ALOX5AP: variants seen among roughly 807,000 people sequenced by gnomAD.
The protein encoded by ALOX5AP is arachidonate 5-lipoxygenase-activating protein.
A neutral mutation model predicts 18.5 loss-of-function variants in ALOX5AP; 9 were observed. That is an observed-to-expected ratio of 0.49 (90% CI 0.29 to 0.85). The LOEUF is 0.85. Among genes scored for constraint, ALOX5AP ranks in the 40% least tolerant of loss-of-function variants. The pLI is 0.08. For synonymous variants in ALOX5AP, 81 were observed against 78.6 expected, an observed-to-expected ratio of 1.03 and a Z score of -0.16; for missense variants, 172 against 202.5, an observed-to-expected ratio of 0.85 and a Z score of 0.91.
At chr13:30,761,351 C>A (rs895879826) in intron 4 of ALOX5AP, among the ~76,000 whole-genome samples, 1 of 152,240 alleles carries the variant, frequency 6.6e-6, no homozygotes, top group Non-Finnish European at 1.5e-5. Flanking sequence ...TTTTTCACTT[C>A]GGTTTTATCT....
In ALOX5AP at chr13:30,744,096, C is replaced by T; in HGVS notation, c.107C>T (p.Thr36Ile). Residue 36 changes from threonine (T) to isoleucine (I), a missense_variant, in exon 2 of 5, where the codon ACC becomes ATC. By Grantham distance (89) the Thr-to-Ile change is moderately conservative. Coordinates refer to ENST00000380490, the MANE Select transcript of ALOX5AP (RefSeq NM_001629.4). ...FAHKVEHESRTQNGRSFQRTG... is the reference protein window; with the variant it reads ...FAHKVEHESRIQNGRSFQRTG... Reference sequence around the variant, plus strand: ...CATAAAGTGGAGCACGAAAGCAGGACCCAGAATGGGAGGAGCTTCCAGAGG... The same window carrying T: ...CATAAAGTGGAGCACGAAAGCAGGATCCAGAATGGGAGGAGCTTCCAGAGG... The T allele has an allele frequency of 6.2e-7, 1 of 1,614,138 alleles. No homozygotes were observed. The highest frequency in any genetic ancestry group is 8.5e-7 in the Non-Finnish European group (1 of 1,180,002).
intron 1 of ALOX5AP, 82 bp downstream of exon 1, chr13:30,735,757 G>C: frequency 6.7e-7 from 1 of 1,486,980 alleles, no homozygotes; most frequent in Non-Finnish European, 9.3e-7. Context: ...TTAAACAATT[G>C]TGTCTGTGTG....
intron 2 of ALOX5AP, 144 bp downstream of exon 2, chr13:30,744,303 C>T: frequency 1.5e-6 from 1 of 676,004 alleles, no homozygotes. Flanking sequence ...TGGACTTCAC[C>T]AGAGAGGCTT....
Position 30,751,342 on chromosome 13 carries a change from C to G in ALOX5AP, c.171-710C>G, listed in dbSNP as rs140061764. On this transcript the variant is annotated intron_variant, in intron 2 of 4. Coordinates refer to ENST00000380490, the MANE Select transcript of ALOX5AP (RefSeq NM_001629.4). ...CTCCCAAATTGCTGGGATTACAAGG[C>G]GTGTTGTTTTAAGCCACTCAGTTTG... is the stretch of plus-strand genomic sequence containing the variant. 4.8e-3 allele frequency among the ~76,000 whole-genome samples: 724 copies of G among 152,230 alleles called. 6 individuals carry two copies. The highest frequency in any genetic ancestry group is 0.016 in the African/African-American group (675 of 41,544).
chr13:30,728,253 A>G (rs536668176), intron 1 of ALOX5AP, among the ~76,000 whole-genome samples: 1 of 152,344 alleles, frequency 6.6e-6, no homozygotes, highest in Non-Finnish European at 1.5e-5. Flanking sequence ...GTGATTTTAC[A>G]GGGAGCATAG....
chr13:30,755,197 C>T (rs4769057), intron 3 of ALOX5AP, among the ~76,000 whole-genome samples: 52,996 of 140,408 alleles, frequency 0.38, 10,395 homozygotes, highest in Non-Finnish European at 0.42. Context: ...AAGGCTAGAA[C>T]GCAGAGGGAA....
At chr13:30,725,251 G>A (rs1951630487) in intron 1 of ALOX5AP, among the ~76,000 whole-genome samples, 1 of 152,224 alleles carries the variant, frequency 6.6e-6, no homozygotes, top group South Asian at 2.1e-4. Context: ...AGGAGTCCTG[G>A]GGAAGAGGCA....
chr13:30,713,519 T>C (rs1951525548), exon 1 of ALOX5AP: 2 of 554,104 alleles, frequency 3.6e-6, no homozygotes, highest in South Asian at 4.6e-5. Context: ...GTCACAGCTC[T>C]GGCAAAGATG....
chr13:30,713,912 G>C, intron 1 of ALOX5AP: 2 of 1,481,874 alleles, frequency 1.3e-6, no homozygotes, highest in Non-Finnish European at 1.8e-6. Context: ...AATTTGACCT[G>C]GGCCCAGGGC....
chr13:30,723,769 T>G (rs1286288076), intron 1 of ALOX5AP, among the ~76,000 whole-genome samples: 1 of 152,200 alleles, frequency 6.6e-6, no homozygotes, highest in Non-Finnish European at 1.5e-5. Flanking sequence ...ATTTTTAATT[T>G]TTTAAATTTT....
chr13:30,763,580 C>T (rs2137836325), intron 4 of ALOX5AP, among the ~76,000 whole-genome samples: 1 of 152,278 alleles, frequency 6.6e-6, no homozygotes, highest in East Asian at 1.9e-4. Context: ...CAGAGAGGGT[C>T]TTAATGGTCC....
At chr13:30,735,952 G>A (rs1367746623) in intron 1 of ALOX5AP, among the ~76,000 whole-genome samples, 1 of 152,268 alleles carries the variant, frequency 6.6e-6, no homozygotes, top group Admixed American at 6.5e-5. Flanking sequence ...AACCCTCACC[G>A]AAGTGTCTAT....
chr13:30,744,227 T>C, intron 2 of ALOX5AP, 68 bp downstream of exon 2: 1 of 1,381,224 alleles, frequency 7.2e-7, no homozygotes, highest in South Asian at 1.2e-5. Context: ...CTAGGAGTGA[T>C]GACCACCCTT....
At chr13:30,759,709 C>T (rs187342443) in intron 4 of ALOX5AP, among the ~76,000 whole-genome samples, 10 of 152,330 alleles carry the variant, frequency 6.6e-5, no homozygotes, top group Admixed American at 2.0e-4. Flanking sequence ...TATGGTGTTA[C>T]TTCACCAGAG....
chr13:30,716,258 C>T (rs754133507), intron 1 of ALOX5AP, among the ~76,000 whole-genome samples: 5 of 152,206 alleles, frequency 3.3e-5, no homozygotes, highest in African/African-American at 1.2e-4. Flanking sequence ...GCCAACACTG[C>T]AACAACAGGG....
chr13:30,752,553 C>T (rs1951860968), intron 3 of ALOX5AP, among the ~76,000 whole-genome samples: 1 of 152,210 alleles, frequency 6.6e-6, no homozygotes, highest in Admixed American at 6.5e-5. Context: ...GGCTGGATGC[C>T]ACATCCCCGG....
intron 4 of ALOX5AP, among the ~76,000 whole-genome samples, chr13:30,756,547 G>A (rs1199742987): frequency 3.3e-5 from 5 of 152,150 alleles, no homozygotes; most frequent in Admixed American, 1.3e-4. Context: ...AGCGGCTCAC[G>A]CCTATAATCC....
chr13:30,743,346 C>T (rs1951782857), intron 1 of ALOX5AP, among the ~76,000 whole-genome samples: 1 of 152,108 alleles, frequency 6.6e-6, no homozygotes, highest in South Asian at 2.1e-4. Flanking sequence ...CTCTGCTGTC[C>T]TCACCAGAGC....
At chr13:30,743,075 C>T (rs1054099300) in intron 1 of ALOX5AP, among the ~76,000 whole-genome samples, 1 of 152,002 alleles carries the variant, frequency 6.6e-6, no homozygotes, top group Non-Finnish European at 1.5e-5. Flanking sequence ...TTCCTTGTTG[C>T]TCTCAGACGG....
Sources: allele counts gnomAD v4.1 joint callset (sites outside exome capture counted in the v4.1 genomes callset), GRCh38; gene constraint gnomAD v4.1.1; transcripts MANE v1.5; gene names NCBI Gene and HGNC (gene_info 2026-07-23, HGNC 2026-07-21).